Variants in ZNF385D observed in about 807,000 individuals in gnomAD.
ZNF385D encodes zinc finger protein 659.
A neutral mutation model predicts 35.8 loss-of-function variants in ZNF385D; 15 were observed. The ratio of observed to expected loss-of-function variants is 0.42; its 90% CI spans 0.28 to 0.64. The LOEUF is 0.64. Ranked by LOEUF, ZNF385D falls within the 30% of genes least tolerant of loss-of-function variation. The pLI is 0.23. For missense variants in ZNF385D, 474 were observed against 494.6 expected, an observed-to-expected ratio of 0.96 and a Z score of 0.39; for synonymous variants, 212 against 186.8, an observed-to-expected ratio of 1.13 and a Z score of -1.10.
chr3:21,658,027 A>G (rs1246420370), intron 2 of ZNF385D, among the ~76,000 whole-genome samples: 1 of 152,006 alleles, frequency 6.6e-6, no homozygotes, highest in Non-Finnish European at 1.5e-5. Flanking sequence ...TCCAAAGATA[A>G]TAAAAACGTG....
At chr3:22,247,509 T>C (rs1453980162) in intron 2 of ZNF385D, among the ~76,000 whole-genome samples, 1 of 152,092 alleles carries the variant, frequency 6.6e-6, no homozygotes, top group African/African-American at 2.4e-5. Context: ...AGAAATGTTT[T>C]GAGAACCATA....
At chr3:22,063,602 A>C (rs67564427) in intron 3 of ZNF385D, among the ~76,000 whole-genome samples, 40,746 of 151,988 alleles carry the variant, frequency 0.27, 5,660 homozygotes, top group African/African-American at 0.32. Context: ...TGATATGGTA[A>C]TATATTTGTA....
intron 2 of ZNF385D, among the ~76,000 whole-genome samples, chr3:22,169,262 T>C (rs1706531739): frequency 2.0e-5 from 3 of 152,220 alleles, no homozygotes; most frequent in African/African-American, 7.2e-5. Flanking sequence ...TACTGTGCTA[T>C]ATGTTTTTAT....
chr3:21,647,683 C>T (rs1413189906), intron 2 of ZNF385D, among the ~76,000 whole-genome samples: 1 of 152,086 alleles, frequency 6.6e-6, no homozygotes, highest in African/African-American at 2.4e-5. Context: ...ATGTTTCTCC[C>T]TTTATATTCC....
chr3:22,029,887 G>A (rs1440468542), intron 3 of ZNF385D, among the ~76,000 whole-genome samples: 1 of 151,974 alleles, frequency 6.6e-6, no homozygotes, highest in Non-Finnish European at 1.5e-5. Context: ...TTAATACTGA[G>A]TATCAACTTG....
chr3:22,188,607 A>C (rs996336394), intron 2 of ZNF385D, among the ~76,000 whole-genome samples: 2 of 151,674 alleles, frequency 1.3e-5, no homozygotes, highest in African/African-American at 4.8e-5. Context: ...CTGCCACCAC[A>C]CCCTGCTAAT....
intron 3 of ZNF385D, among the ~76,000 whole-genome samples, chr3:22,076,724 C>T (rs549464453): frequency 3.9e-5 from 6 of 151,972 alleles, no homozygotes; most frequent in East Asian, 3.9e-4. Flanking sequence ...ATTTTATATT[C>T]GGGTTAGGAT....
chr3:21,993,361 T>C (rs560486927), intron 3 of ZNF385D, among the ~76,000 whole-genome samples: 18 of 152,290 alleles, frequency 1.2e-4, no homozygotes, highest in African/African-American at 4.3e-4. Flanking sequence ...TGCCATTTTG[T>C]GATAATTTAC....
chr3:21,785,089 C>T (rs977149971), intron 3 of ZNF385D, among the ~76,000 whole-genome samples: 2 of 152,062 alleles, frequency 1.3e-5, no homozygotes, highest in African/African-American at 2.4e-5. Flanking sequence ...CCCCTGGTTC[C>T]CTGCACTGAC....
intron 3 of ZNF385D, among the ~76,000 whole-genome samples, chr3:21,758,257 T>C (rs2070435161): frequency 6.6e-6 from 1 of 152,226 alleles, no homozygotes; most frequent in East Asian, 1.9e-4. Context: ...ATATTAGATG[T>C]TAATTCCTTG....
chr3:21,445,628 A>T (rs403575), intron 4 of ZNF385D, among the ~76,000 whole-genome samples: 98,088 of 151,998 alleles, frequency 0.65, 31,932 homozygotes, highest in African/African-American at 0.72. Context: ...TCTAAGTCAA[A>T]GAGGATTATA....
At chr3:21,821,028 G>C (rs1484241117) in intron 3 of ZNF385D, among the ~76,000 whole-genome samples, 4 of 151,918 alleles carry the variant, frequency 2.6e-5, no homozygotes, top group African/African-American at 9.7e-5. Context: ...ACTAAATGGA[G>C]TCAATAATTA....
At chr3:21,791,749 T>A (rs2071935445) in intron 3 of ZNF385D, among the ~76,000 whole-genome samples, 1 of 152,212 alleles carries the variant, frequency 6.6e-6, no homozygotes, top group African/African-American at 2.4e-5. Context: ...TTTTTGGTTG[T>A]TGTTGAGATG....
Position 21,770,177 on chromosome 3 carries a change from G to A in ZNF385D, c.326-105149C>T, listed in dbSNP as rs546627379. Among the ~76,000 whole-genome samples the A allele has an allele frequency of 1.8e-4, 27 of 152,214 alleles. No homozygotes were observed. In the South Asian group the frequency reaches 3.3e-3, roughly 19 times the overall value. On this transcript the variant is annotated intron_variant, in intron 3 of 5. Transcript: ENST00000494108. ...AATATCATTCAGGACATAGGCATGC[G>A]CAAGGACTTCATGTCTAAAACACCA...
chr3:22,162,903 G>C (rs1291577413), intron 3 of ZNF385D, among the ~76,000 whole-genome samples: 1 of 152,178 alleles, frequency 6.6e-6, no homozygotes, highest in Non-Finnish European at 1.5e-5. Context: ...AAGAAGCAGA[G>C]TCTAAGATGA....
chr3:21,682,217 G>A lies in ZNF385D; in HGVS notation c.23-17189C>T, dbSNP rs754737589. Among the ~76,000 whole-genome samples, 20 of 133,772 alleles carry A rather than the reference G, an allele frequency of 1.5e-4. 1 individual carries two copies. The highest frequency in any genetic ancestry group is 3.0e-4 in the Non-Finnish European group (18 of 59,682). 87.8% of individuals were successfully genotyped at this position (133,772 alleles called of 152,430 possible). ...GGCAGGTTGGTTTGTTTTTAGTTTA[G>A]CTTTGTCCTTTTAAGTTAGAAGCCA... On this transcript the variant is annotated intron_variant, in intron 1 of 7. Transcript: ENST00000281523.
chr3:21,712,944 A>G (rs1044349859), intron 1 of ZNF385D, among the ~76,000 whole-genome samples: 23 of 152,182 alleles, frequency 1.5e-4, no homozygotes, highest in African/African-American at 5.6e-4. Flanking sequence ...ACACACAAAT[A>G]CACATGCACA....
At chr3:22,039,565 T>A (rs1698539744) in intron 3 of ZNF385D, among the ~76,000 whole-genome samples, 1 of 152,056 alleles carries the variant, frequency 6.6e-6, no homozygotes, top group African/African-American at 2.4e-5. Context: ...GTATATTACT[T>A]TGAACTGTAT....
intron 3 of ZNF385D, among the ~76,000 whole-genome samples, chr3:21,549,124 T>C (rs184893224): frequency 3.9e-5 from 6 of 152,296 alleles, no homozygotes; most frequent in Admixed American, 3.9e-4. Context: ...CTAAGAGAAG[T>C]TGATAGAAAA....
Sources: gnomAD v4.1 joint callset for allele counts (sites outside exome capture counted in the v4.1 genomes callset) on GRCh38, gnomAD v4.1.1 for gene constraint, MANE v1.5 for transcripts, NCBI Gene and HGNC (gene_info 2026-07-23, HGNC 2026-07-21) for gene names.